PLEK2: variants seen among roughly 807,000 people sequenced by gnomAD.
PLEK2 encodes pleckstrin-2.
PLEK2 carries 29 observed loss-of-function variants against 43.8 expected under a neutral mutation model. The ratio of observed to expected loss-of-function variants is 0.66; its 90% CI spans 0.49 to 0.90. PLEK2 has a LOEUF of 0.90. PLEK2 is among the 40% of genes least tolerant of loss of function. PLEK2 has a pLI of 0.00. For missense variants in PLEK2, 398 were observed against 448.1 expected, an observed-to-expected ratio of 0.89 and a Z score of 1.01; for synonymous variants, 162 against 173.2, an observed-to-expected ratio of 0.94 and a Z score of 0.51.
At chr14:67,391,035 A>G (rs1332321930) in intron 6 of PLEK2, among the ~76,000 whole-genome samples, 1 of 152,124 alleles carries the variant, frequency 6.6e-6, no homozygotes, top group Non-Finnish European at 1.5e-5. Context: ...TCAGGGCATA[A>G]AGGAGGACAG....
chr14:67,403,429 A>G (rs974670497), intron 1 of PLEK2, among the ~76,000 whole-genome samples: 1 of 152,206 alleles, frequency 6.6e-6, no homozygotes, highest in Non-Finnish European at 1.5e-5. Context: ...CAGAAATGAC[A>G]CCAACCTAGT....
In PLEK2 at chr14:67,389,333, G is replaced by C. The variant is rs1297329283; in HGVS notation, c.856-1031C>G. On this transcript the variant is annotated intron_variant, in intron 7 of 8. Transcript: ENST00000216446. Reference sequence around the variant, plus strand: ...TCAAGGGCAGTCTCAGGGAGGACAGGAGAGTCCTGTCCTGGATAGGAGAGT... The same window carrying C: ...TCAAGGGCAGTCTCAGGGAGGACAGCAGAGTCCTGTCCTGGATAGGAGAGT... 2.0e-5 allele frequency among the ~76,000 whole-genome samples: 3 copies of C among 152,268 alleles called. No homozygotes were observed. The East Asian group carries it at 5.8e-4, about 29-fold the overall frequency.
Position 67,388,121 on chromosome 14 carries a change from C to T in PLEK2, c.934+103G>A, listed in dbSNP as rs1346681577. 4 of 724,992 alleles carry T rather than the reference C, an allele frequency of 5.5e-6. No homozygotes were observed. In the African/African-American group the frequency reaches 7.0e-5, roughly 13 times the overall value. 44.9% of individuals were successfully genotyped at this position (724,992 alleles called of 1,614,324 possible). A position where few individuals can be genotyped will look rare whatever the true frequency, so the allele number is the denominator to read the frequency against. ...ACACCACTCTGTCTCATGGAGAAAG[C>T]CCTGCTCGGCTCCCAAAGCTGTCAT... On this transcript the variant is annotated intron_variant, in intron 8 of 8. Coordinates refer to ENST00000216446, the MANE Select transcript of PLEK2 (RefSeq NM_016445.3).
At chr14:67,406,417 T>C (rs1430928611) in intron 1 of PLEK2, among the ~76,000 whole-genome samples, 1 of 151,956 alleles carries the variant, frequency 6.6e-6, no homozygotes, top group Non-Finnish European at 1.5e-5. Flanking sequence ...TCTTCCTGGT[T>C]GTGTGGAGTT....
Position 67,392,357 on chromosome 14 carries a change from G to C in PLEK2, c.740C>G (p.Thr247Arg). ...GGCCAGGTAGCCTTGTTTCACCACCGTGCCACTTAACTCCACAGTGCTCAG... is the reference window on the plus strand; with the variant it reads ...GGCCAGGTAGCCTTGTTTCACCACCCTGCCACTTAACTCCACAGTGCTCAG... Reference protein sequence around the residue: ...ISLSTVELSGTVVKQGYLAKQ... With the variant: ...ISLSTVELSGRVVKQGYLAKQ... Residue 247 changes from threonine to arginine, a missense_variant, in exon 6 of 9, where the codon ACG becomes AGG. Thr to Arg is a moderately conservative substitution (Grantham distance 71). Coordinates refer to ENST00000216446, the MANE Select transcript of PLEK2 (RefSeq NM_016445.3). The C allele has an allele frequency of 6.2e-7, 1 of 1,612,932 alleles. No individual in the cohort carries two copies. Among genetic ancestry groups the C allele is most frequent in the Non-Finnish European group, 8.5e-7 (1 of 1,178,996 alleles).
chr14:67,410,736 C>T (rs936407246), intron 1 of PLEK2, among the ~76,000 whole-genome samples: 8 of 152,224 alleles, frequency 5.3e-5, no homozygotes, highest in African/African-American at 1.9e-4. Context: ...CCTCATCCCT[C>T]TTCATTCCCC....
intron 1 of PLEK2, among the ~76,000 whole-genome samples, chr14:67,406,529 G>A (rs8004864): frequency 0.15 from 22,803 of 152,086 alleles, 3,259 homozygotes; most frequent in East Asian, 0.42. Flanking sequence ...GGGAGGTGAT[G>A]GGGACCAAGG....
chr14:67,395,082 AC>A (rs1400966110), intron 3 of PLEK2, among the ~76,000 whole-genome samples: 8 of 152,158 alleles, frequency 5.3e-5, no homozygotes, highest in Non-Finnish European at 1.0e-4. Flanking sequence ...CAGAAAACAG[AC>A]TAAGACGAGA....
chr14:67,411,890 C>A, intron 1 of PLEK2, 128 bp downstream of exon 1: 1 of 852,112 alleles, frequency 1.2e-6, no homozygotes. Context: ...GCGGCCCGGT[C>A]CCACCATGGG....
intron 6 of PLEK2, 113 bp from the exon 7 acceptor site, chr14:67,390,859 A>G (rs2085961505): frequency 1.3e-6 from 1 of 787,842 alleles, no homozygotes; most frequent in Non-Finnish European, 2.3e-6. Context: ...CAATGGGACT[A>G]CATTCTAAAA....
chr14:67,398,171 G>C lies in PLEK2; in HGVS notation c.43-345C>G, dbSNP rs1344709186. On this transcript the variant is annotated intron_variant, in intron 1 of 8. Transcript: ENST00000216446. ...TTTTTCCTTTTAGTTTTTGCCTTCT[G>C]GTTTTTTAAAAAAATTAAGATTATT... is the stretch of plus-strand genomic sequence containing the variant. 1.6e-5 allele frequency: 3 copies of C among 182,618 alleles called. No individual in the cohort carries two copies. In the Admixed American group the frequency reaches 1.9e-4, roughly 11 times the overall value. 11.3% of individuals were successfully genotyped at this position (182,618 alleles called of 1,614,324 possible).
rs2085975234 is a variant in PLEK2 at position 67,392,346 on chromosome 14, G to T, written c.751C>A (p.Gln251Lys). Residue 251 changes from glutamine (Q) to lysine (K), a missense_variant, in exon 6 of 9, where the codon CAA becomes AAA. Physicochemically the swap from Gln to Lys is moderately conservative, Grantham distance 53. Transcript: ENST00000216446. ...CATACCTGCTTGGCCAGGTAGCCTT[G>T]TTTCACCACCGTGCCACTTAACTCC... is the stretch of plus-strand genomic sequence containing the variant. ...TVELSGTVVK[Q>K]GYLAKQGHKR... 2.5e-6 allele frequency: 4 copies of T among 1,611,546 alleles called. No homozygotes were observed. The highest frequency in any genetic ancestry group is 3.4e-6 in the Non-Finnish European group (4 of 1,177,704).
intron 2 of PLEK2, 131 bp downstream of exon 2, chr14:67,397,531 C>G: frequency 1.4e-6 from 1 of 723,272 alleles, no homozygotes; most frequent in South Asian, 2.3e-5. Flanking sequence ...GTGGCGGAGC[C>G]AGGATTTGAA....
At chr14:67,405,496 T>C (rs1329339280) in intron 1 of PLEK2, among the ~76,000 whole-genome samples, 10 of 152,150 alleles carry the variant, frequency 6.6e-5, no homozygotes, top group Admixed American at 4.6e-4. Context: ...CCACCCAGTA[T>C]GAAAAGTTCC....
Position 67,389,033 on chromosome 14 carries a change from CA to C in PLEK2, c.856-732del, listed in dbSNP as rs994166634. Among the ~76,000 whole-genome samples, 10 of 151,738 alleles carry C rather than the reference CA, an allele frequency of 6.6e-5. No individual in the cohort carries two copies. The South Asian group carries it at 1.3e-3, about 19-fold the overall frequency. ...TTCCTGCACATAGGACATCGTTACA[CA>C]AATCTAGTATGTGCCTAGCAAGAAA... On this transcript the variant is annotated intron_variant, in intron 7 of 8. Transcript: ENST00000216446.
intron 1 of PLEK2, among the ~76,000 whole-genome samples, chr14:67,401,443 T>C (rs1302657394): frequency 1.3e-5 from 2 of 148,488 alleles, no homozygotes; most frequent in African/African-American, 5.0e-5. Context: ...GCCCAGGAGG[T>C]TAATGCTACA....
intron 1 of PLEK2, among the ~76,000 whole-genome samples, chr14:67,405,381 A>G (rs1441211411): frequency 6.6e-6 from 1 of 152,178 alleles, no homozygotes; most frequent in East Asian, 1.9e-4. Context: ...ATGATTAGGG[A>G]AATCATTCAT....
chr14:67,387,243 CAA>C lies in PLEK2; in HGVS notation c.*84_*85del. ...AGCAGTACAAAACTTACAAAGAAGT[CAA>C]AAGTCTTAACACTCCCATTCTCCAG... is the stretch of plus-strand genomic sequence containing the variant. On this transcript the variant is annotated 3_prime_UTR_variant, in exon 9 of 9. Transcript: ENST00000216446. 1.5e-6 allele frequency: 2 copies of C among 1,365,350 alleles called. No individual in the cohort carries two copies. Among genetic ancestry groups the C allele is most frequent in the South Asian group, 2.8e-5 (2 of 71,448 alleles). 84.6% of individuals were successfully genotyped at this position (1,365,350 alleles called of 1,614,324 possible). A position where few individuals can be genotyped will look rare whatever the true frequency, so the allele number is the denominator to read the frequency against.
intron 1 of PLEK2, among the ~76,000 whole-genome samples, chr14:67,409,869 G>A (rs1312211979): frequency 2.6e-5 from 4 of 152,204 alleles, no homozygotes; most frequent in African/African-American, 4.8e-5. Context: ...CCATCTAAGA[G>A]TAGAGGGGAT....
Sources: allele counts gnomAD v4.1 joint callset (sites outside exome capture counted in the v4.1 genomes callset), GRCh38; gene constraint gnomAD v4.1.1; transcripts MANE v1.5; gene names NCBI Gene and HGNC (gene_info 2026-07-23, HGNC 2026-07-21).